Variants in ARAP2 observed in about 807,000 individuals in gnomAD.
ARAP2 encodes the protein arf-GAP with Rho-GAP domain, ANK repeat and PH domain-containing protein 2.
In ARAP2, 148 loss-of-function variants were observed where a neutral mutation model predicts 194.5. The observed-to-expected ratio is 0.76, with a 90% CI of 0.67 to 0.87. ARAP2 has a LOEUF of 0.87. Ranked by LOEUF, ARAP2 falls within the 40% of genes least tolerant of loss-of-function variation. ARAP2 has a pLI of 0.00. For missense variants in ARAP2, 2,128 were observed against 1,989.7 expected (o/e 1.07, Z -1.32); for synonymous variants, 695 against 683.5 (o/e 1.02, Z -0.26).
intron 9 of ARAP2, among the ~76,000 whole-genome samples, chr4:36,176,502 C>T (rs1737950542): frequency 6.6e-6 from 1 of 152,142 alleles, no homozygotes; most frequent in South Asian, 2.1e-4. Flanking sequence ...GCAAGTCTAT[C>T]AGGTCTTGCT....
chr4:36,162,705 C>G (rs926980239), intron 11 of ARAP2, among the ~76,000 whole-genome samples: 4 of 150,976 alleles, frequency 2.6e-5, no homozygotes, highest in African/African-American at 9.8e-5. Context: ...TACCTACAGG[C>G]AATACAGTAC....
chr4:36,187,684 T>A lies in ARAP2; in HGVS notation c.1558-113A>T, dbSNP rs192898490. 3.6e-5 allele frequency: 32 copies of A among 895,594 alleles called. No individual in the cohort carries two copies. In the African/African-American group the frequency reaches 5.0e-4, roughly 14 times the overall value. 55.5% of individuals were successfully genotyped at this position (895,594 alleles called of 1,614,324 possible). On this transcript the variant is annotated intron_variant, in intron 7 of 32. Transcript: ENST00000303965. Reference sequence around the variant, plus strand: ...CTTCTCTTTATAATTTCAATCCAAATTTTTTAAATGCCATACAAGTAATTT... The same window carrying A: ...CTTCTCTTTATAATTTCAATCCAAAATTTTTAAATGCCATACAAGTAATTT...
intron 27 of ARAP2, among the ~76,000 whole-genome samples, chr4:36,107,140 C>T (rs1718620294): frequency 6.6e-6 from 1 of 151,958 alleles, no homozygotes; most frequent in Non-Finnish European, 1.5e-5. Context: ...TATTTTCCAA[C>T]TTCATCACAA....
intron 1 of ARAP2, among the ~76,000 whole-genome samples, chr4:36,242,275 T>C (rs1198559944): frequency 2.6e-5 from 4 of 152,162 alleles, no homozygotes; most frequent in Admixed American, 2.6e-4. Flanking sequence ...CCCAAAACTC[T>C]TACAATGTAG....
chr4:36,063,933 G>C (rs1026983449), downstream of ARAP2, among the ~76,000 whole-genome samples: 2 of 152,146 alleles, frequency 1.3e-5, no homozygotes, highest in African/African-American at 4.8e-5. Context: ...TACATTTAAT[G>C]CATTTACAAA....
At chr4:36,009,208 G>C (rs1399454821) in intron 9 of ARAP2, among the ~76,000 whole-genome samples, 2 of 152,002 alleles carry the variant, frequency 1.3e-5, no homozygotes, top group Non-Finnish European at 2.9e-5. Flanking sequence ...TATACTCAAA[G>C]GAAAATAAAT....
intron 5 of ARAP2, among the ~76,000 whole-genome samples, chr4:36,038,043 AG>A (rs1707130636): frequency 6.6e-6 from 1 of 152,202 alleles, no homozygotes; most frequent in Non-Finnish European, 1.5e-5. Flanking sequence ...ACCATTTAGC[AG>A]GAGACATCCT....
chr4:36,087,655 G>T (rs1333887992), intron 28 of ARAP2, among the ~76,000 whole-genome samples: 1 of 152,066 alleles, frequency 6.6e-6, no homozygotes, highest in African/African-American at 2.4e-5. Flanking sequence ...CTTCCCTGTG[G>T]CAGATATTAA....
chr4:36,172,012 C>G (rs896275695), intron 9 of ARAP2, among the ~76,000 whole-genome samples: 1 of 151,906 alleles, frequency 6.6e-6, no homozygotes, highest in African/African-American at 2.4e-5. Flanking sequence ...ATGCTATAAA[C>G]TGGATTGAAA....
intron 6 of ARAP2, among the ~76,000 whole-genome samples, chr4:36,209,976 A>T (rs934390240): frequency 6.6e-6 from 1 of 152,196 alleles, no homozygotes; most frequent in African/African-American, 2.4e-5. Context: ...TAACAACAAT[A>T]AGCCTTGTAT....
At chr4:36,211,296 C>A (rs542800009) in intron 5 of ARAP2, among the ~76,000 whole-genome samples, 2 of 152,238 alleles carry the variant, frequency 1.3e-5, no homozygotes, top group South Asian at 4.1e-4. Flanking sequence ...CAGCACACTG[C>A]TAGCTAGAAA....
At chr4:36,012,076 T>C (rs1369417714) in intron 9 of ARAP2, among the ~76,000 whole-genome samples, 4 of 152,124 alleles carry the variant, frequency 2.6e-5, no homozygotes, top group Non-Finnish European at 5.9e-5. Flanking sequence ...ATTAAATAAT[T>C]TCCAATGAAC....
intron 6 of ARAP2, among the ~76,000 whole-genome samples, chr4:36,196,797 ACT>A (rs1309076830): frequency 2.0e-5 from 3 of 151,620 alleles, no homozygotes; most frequent in Non-Finnish European, 4.4e-5. Context: ...GGTGGACACC[ACT>A]CTCTGGCCGC....
In ARAP2 at chr4:36,152,734, G is replaced by A. The variant is rs556153907; in HGVS notation, c.2753-1690C>T. Among the ~76,000 whole-genome samples the A allele has an allele frequency of 6.6e-5, 10 of 152,118 alleles. No individual in the cohort carries two copies. The East Asian group carries it at 1.9e-3, about 29-fold the overall frequency. On this transcript the variant is annotated intron_variant, in intron 15 of 32. Transcript: ENST00000303965. ...TAATCCCTTACGATTTAGGAGCCAT[G>A]TTTCTAAAGTAGCAAAAAATGCATT...
At chr4:36,109,961 T>C (rs1037844464) in intron 26 of ARAP2, among the ~76,000 whole-genome samples, 4 of 149,526 alleles carry the variant, frequency 2.7e-5, no homozygotes, top group African/African-American at 9.8e-5. Context: ...CCATTATATA[T>C]ACTGGATGCT....
At chr4:36,120,947 C>G (rs1486856209) in intron 23 of ARAP2, among the ~76,000 whole-genome samples, 1 of 151,548 alleles carries the variant, frequency 6.6e-6, no homozygotes, top group African/African-American at 2.4e-5. Context: ...TAGAAATATT[C>G]TGTCAAACAG....
At chr4:36,116,836 T>A (rs61798145) in intron 25 of ARAP2, among the ~76,000 whole-genome samples, 1 of 151,440 alleles carries the variant, frequency 6.6e-6, no homozygotes, top group Admixed American at 6.6e-5. Flanking sequence ...TTTCCAGAAC[T>A]TGAAGAAAAT....
chr4:36,071,682 GTT>G (rs918392737), intron 32 of ARAP2, among the ~76,000 whole-genome samples: 1 of 86,204 alleles, frequency 1.2e-5, no homozygotes, highest in Non-Finnish European at 2.4e-5. Context: ...TTTTTTTTGA[GTT>G]TTTTTTTAAT....
At chr4:36,174,639 T>C (rs1452374669) in intron 9 of ARAP2, among the ~76,000 whole-genome samples, 2 of 152,154 alleles carry the variant, frequency 1.3e-5, no homozygotes, top group Non-Finnish European at 2.9e-5. Context: ...ACAACCCCTT[T>C]CCAGAAATTC....
Sources: allele counts gnomAD v4.1 joint callset (sites outside exome capture counted in the v4.1 genomes callset), GRCh38; gene constraint gnomAD v4.1.1; transcripts MANE v1.5; gene names NCBI Gene and HGNC (gene_info 2026-07-23, HGNC 2026-07-21).